The following CTSW variants were observed in gnomAD, a reference collection of about 807,000 sequenced individuals.
CTSW encodes the protein cathepsin W, also known as lymphopain.
A neutral mutation model predicts 43.8 loss-of-function variants in CTSW; 42 were observed. The ratio of observed to expected loss-of-function variants is 0.96; its 90% CI spans 0.75 to 1.24. The LOEUF is 1.24. CTSW is among the 50% of genes most tolerant of loss of function. The probability of loss-of-function intolerance (pLI) is 0.00; values close to 1 mark genes in which losing one functional copy is unlikely to be tolerated. For synonymous variants in CTSW, 191 were observed against 184.8 expected, an observed-to-expected ratio of 1.03 and a Z score of -0.27; for missense variants, 475 against 479.9, an observed-to-expected ratio of 0.99 and a Z score of 0.09.
At position 65,883,502 on chromosome 11, in the gene CTSW, T is replaced by C. The variant is rs1303959899; in HGVS notation, c.1021-6T>C. On this transcript the variant is annotated splice_region_variant and splice_polypyrimidine_tract_variant and intron_variant, in intron 9 of 9. Transcript: ENST00000307886. ...CTTCCCGCCCCTATGTCCCCTAACC[T>C]CCTAGGGCTATTTCCGGCTGCACCG... 1.2e-6 allele frequency: 2 copies of C among 1,613,204 alleles called. No homozygotes were observed. Among genetic ancestry groups the C allele is most frequent in the Non-Finnish European group, 1.7e-6 (2 of 1,179,416 alleles).
intron 2 of CTSW, among the ~76,000 whole-genome samples, chr11:65,880,802 C>G (rs915320281): frequency 3.3e-5 from 5 of 152,096 alleles, no homozygotes; most frequent in Non-Finnish European, 5.9e-5. Flanking sequence ...GGGGTCCTGC[C>G]CTAGTCCTAC....
rs1229790083 is a variant in CTSW at position 65,882,168 on chromosome 11, T to C, written c.287-7T>C. ...TGGAGACCTCAGTGGCCCTGTCTGT[T>C]CCCCAGAGGAGGAGTTTGGCCAGCT... On this transcript the variant is annotated splice_polypyrimidine_tract_variant and splice_region_variant and intron_variant, in intron 3 of 9. Coordinates refer to ENST00000307886, the MANE Select transcript of CTSW (RefSeq NM_001335.4). 1.9e-6 allele frequency: 3 copies of C among 1,613,782 alleles called. No homozygotes were observed. The Admixed American group carries it at 5.0e-5, about 27-fold the overall frequency.
chr11:65,880,324 ACT>A, intron 2 of CTSW, 38 bp downstream of exon 2: 2 of 1,404,784 alleles, frequency 1.4e-6, no homozygotes, highest in Non-Finnish European at 1.9e-6. Context: ...CCAAGCCCCC[ACT>A]TTTTTTTTTT....
Position 65,882,527 on chromosome 11 carries a change from G to T in CTSW, c.538+1G>T. On this transcript the variant is annotated splice_donor_variant, in intron 5 of 9. Coordinates refer to ENST00000307886, the MANE Select transcript of CTSW (RefSeq NM_001335.4). LOFTEE classifies it high-confidence loss of function. ...GATTTTGTGGATGTCTCCGTGCAGG[G>T]TAGGGTTGGGAGAGGGTGCGCGTGT... 6.2e-7 allele frequency: 1 copy of T among 1,614,166 alleles called. No homozygotes were observed. The highest frequency in any genetic ancestry group is 1.1e-5 in the South Asian group (1 of 91,078).
At position 65,879,873 on chromosome 11, in the gene CTSW, C is replaced by G. The variant is rs1276244021; in HGVS notation, c.19C>G (p.Pro7Ala). The G allele has an allele frequency of 1.2e-6, 2 of 1,613,732 alleles. No homozygotes were observed. The highest frequency in any genetic ancestry group is 2.7e-5 in the African/African-American group (2 of 74,930). The change falls in exon 1 of 10, where the codon CCC becomes GCC. Residue 7 changes from proline (P) to alanine (A), a missense_variant. By Grantham distance (27) the Pro-to-Ala change is conservative. Transcript: ENST00000307886. Reference sequence around the variant, plus strand: ...CACCGGCATGGCACTGACTGCCCACCCCTCCTGCCTCCTGGCCCTGTTGGT... The same window carrying G: ...CACCGGCATGGCACTGACTGCCCACGCCTCCTGCCTCCTGGCCCTGTTGGT... Reference protein sequence around the residue: MALTAHPSCLLALLVAG... With the variant: MALTAHASCLLALLVAG...
At chr11:65,882,967 G>C (rs1342325688) in intron 7 of CTSW, 63 bp downstream of exon 7, 1 of 1,611,984 alleles carries the variant, frequency 6.2e-7, no homozygotes, top group East Asian at 2.2e-5. Flanking sequence ...AGGCAGACAC[G>C]CTGGGCTACT....
chr11:65,880,078 G>T, intron 1 of CTSW, 124 bp from the exon 2 acceptor site: 1 of 1,201,880 alleles, frequency 8.3e-7, no homozygotes, highest in South Asian at 1.3e-5. Flanking sequence ...AAGGGCACAT[G>T]GGAAGACAGA....
rs533711333 is a variant in CTSW, at chr11:65,882,665, G to A, written c.595G>A (p.Ala199Thr). ...CTGCCACGGTGGCTTCGTCTGGGAC[G>A]CGTTCATAACTGTCCTCAACAACAG... ...DGCHGGFVWD[A>T]FITVLNNSGL... The change falls in exon 6 of 10, where the codon GCG becomes ACG. Residue 199 changes from alanine (A) to threonine (T), a missense_variant. Physicochemically the swap from Ala to Thr is moderately conservative, Grantham distance 58. Coordinates refer to ENST00000307886, the MANE Select transcript of CTSW (RefSeq NM_001335.4). 22 of 1,614,064 alleles carry A rather than the reference G, an allele frequency of 1.4e-5. No homozygotes were observed. Among genetic ancestry groups the A allele is most frequent in the Middle Eastern group, 3.3e-4 (2 of 6,060 alleles).
At chr11:65,882,749 A>G (rs1451951648) in intron 6 of CTSW, 30 bp from the exon 7 acceptor site, 1 of 1,614,012 alleles carries the variant, frequency 6.2e-7, no homozygotes, top group Non-Finnish European at 8.5e-7. Flanking sequence ...GCAGGAGCGG[A>G]ACCTCCTCCC....
chr11:65,883,660 C>T lies in CTSW; in HGVS notation c.*42C>T. On this transcript the variant is annotated 3_prime_UTR_variant, in exon 10 of 10. Coordinates refer to ENST00000307886, the MANE Select transcript of CTSW (RefSeq NM_001335.4). ...CAGCTCTGTCCTGTTAGGCCAACTG[C>T]CTCCTTGCCAGCCCCACCCCCAGGT... The T allele has an allele frequency of 6.4e-7, 1 of 1,562,418 alleles. No homozygotes were observed. The highest frequency in any genetic ancestry group is 8.8e-7 in the Non-Finnish European group (1 of 1,136,592).
rs200723179 is a variant in CTSW at position 65,882,678 on chromosome 11, T to A, written c.608T>A (p.Val203Asp). 4.3e-6 allele frequency: 7 copies of A among 1,613,754 alleles called. No individual in the cohort carries two copies. The highest frequency in any genetic ancestry group is 2.2e-5 in the East Asian group (1 of 44,864). ...GGFVWDAFITVLNNSGLASEK... is the reference protein window; with the variant it reads ...GGFVWDAFITDLNNSGLASEK... ...TTCGTCTGGGACGCGTTCATAACTG[T>A]CCTCAACAACAGTGAGTGCACTGCC... The change falls in exon 6 of 10, where the codon GTC (valine) becomes GAC (aspartate). Residue 203 changes from valine (V) to aspartate (D), a missense_variant. By Grantham distance (152) the Val-to-Asp change is radical (BLOSUM62 -3). Coordinates refer to ENST00000307886, the MANE Select transcript of CTSW (RefSeq NM_001335.4).
chr11:65,882,814 GGCAAA>G lies in CTSW; in HGVS notation c.657_661del (p.Lys220GlnfsTer64). 6.2e-7 allele frequency: 1 copy of G among 1,614,164 alleles called. No individual in the cohort carries two copies. Among genetic ancestry groups the G allele is most frequent in the African/African-American group, 1.3e-5 (1 of 75,042 alleles). Reference sequence around the variant, plus strand: ...CAGTGAAAAGGACTACCCGTTCCAGGGCAAAGTCAGAGCCCACAGGTGCCACCCCA... The same window carrying G: ...CAGTGAAAAGGACTACCCGTTCCAGGGTCAGAGCCCACAGGTGCCACCCCA... On this transcript the variant is annotated frameshift_variant, in exon 7 of 10. Coordinates refer to ENST00000307886, the MANE Select transcript of CTSW (RefSeq NM_001335.4). LOFTEE classifies it high-confidence loss of function.
chr11:65,882,422 C>T lies in CTSW; in HGVS notation c.442-8C>T. The T allele has an allele frequency of 6.2e-7, 1 of 1,614,162 alleles. No homozygotes were observed. The highest frequency in any genetic ancestry group is 1.3e-5 in the African/African-American group (1 of 75,054). On this transcript the variant is annotated splice_region_variant and splice_polypyrimidine_tract_variant and intron_variant, in intron 4 of 9. Transcript: ENST00000307886. The stretch of plus-strand genomic sequence containing the variant: ...CACCTAGCCCCGCCCCACCCTCTCG[C>T]CCTCCAGAAAAACTGCAACTGCTGC...
At chr11:65,880,573 G>A (rs371159173) in intron 2 of CTSW, 12 of 296,784 alleles carry the variant, frequency 4.0e-5, no homozygotes, top group East Asian at 1.1e-4. Flanking sequence ...CGCCTGCCTC[G>A]GCCTCCCAAA....
At position 65,881,466 on chromosome 11, in the gene CTSW, G is replaced by A. The variant is rs1194706208; in HGVS notation, c.232G>A (p.Glu78Lys). 7.4e-6 allele frequency: 12 copies of A among 1,611,564 alleles called. No individual in the cohort carries two copies. Among genetic ancestry groups the A allele is most frequent in the Non-Finnish European group, 8.5e-6 (10 of 1,178,766 alleles). Reference protein sequence around the residue: ...HNLAQAQRLQEEDLGTAEFGV... With the variant: ...HNLAQAQRLQKEDLGTAEFGV... ...CCTGGCCCAGGCTCAGAGGCTGCAG[G>A]AGGAGGACTTGGGCACAGCTGAGTT... Residue 78 changes from glutamate (E) to lysine (K), a missense_variant, in exon 3 of 10, where the codon GAG becomes AAG. Physicochemically the swap from Glu to Lys is moderately conservative, Grantham distance 56 (BLOSUM62 1). Transcript: ENST00000307886.
chr11:65,880,370 G>T (rs1334431805), intron 2 of CTSW, 84 bp downstream of exon 2: 13 of 1,079,738 alleles, frequency 1.2e-5, no homozygotes, highest in Non-Finnish European at 1.8e-5. Flanking sequence ...TGACCAGGCT[G>T]GAGTGCAATG....
At chr11:65,882,133 G>A (rs1242016243) in intron 3 of CTSW, 42 bp from the exon 4 acceptor site, 1 of 1,605,086 alleles carries the variant, frequency 6.2e-7, no homozygotes. Flanking sequence ...ACAGGGAGAA[G>A]GGGTCAAAAT....
In CTSW at chr11:65,880,273, C is replaced by T. The variant is rs140607825; in HGVS notation, c.159C>T (p.Tyr53=). 1.2e-4 allele frequency: 201 copies of T among 1,613,892 alleles called. No homozygotes were observed. In the African/African-American group the frequency reaches 2.1e-3, roughly 17 times the overall value. ...TCCAGATCCAGTTCAACCGGAGTTACCTGAGCCCAGAAGGTATCACAGGGC... is the reference window on the plus strand; with the variant it reads ...TCCAGATCCAGTTCAACCGGAGTTATCTGAGCCCAGAAGGTATCACAGGGC... ...KLFQIQFNRS[Y]LSPEEHAHRL... The change falls in exon 2 of 10, where the codon TAC becomes TAT. Residue 53 remains tyrosine, a synonymous_variant. Coordinates refer to ENST00000307886, the MANE Select transcript of CTSW (RefSeq NM_001335.4).
chr11:65,881,563 G>C (rs755179255), intron 3 of CTSW, 43 bp downstream of exon 3: 1 of 1,376,734 alleles, frequency 7.3e-7, no homozygotes, highest in East Asian at 2.5e-5. Flanking sequence ...GTTGGGAAGC[G>C]ATCTCCCCAG....
Sources: allele counts gnomAD v4.1 joint callset (sites outside exome capture counted in the v4.1 genomes callset), GRCh38; gene constraint gnomAD v4.1.1; transcripts MANE v1.5; gene names NCBI Gene and HGNC (gene_info 2026-07-23, HGNC 2026-07-21).